Variants in AKAIN1 observed in about 807,000 individuals in gnomAD.
AKAIN1 encodes the protein A-kinase anchor inhibitor 1.
Under a neutral mutation model 3.7 loss-of-function variants are expected in AKAIN1, and 3 were observed. The observed-to-expected ratio is 0.82, with a 90% CI of 0.37 to 2.12. The LOEUF is 2.12. Ranked by LOEUF, AKAIN1 falls within the 30% of genes most tolerant of loss-of-function variation. AKAIN1 has a pLI of 0.06. For synonymous variants in AKAIN1, 31 were observed against 30.8 expected, an observed-to-expected ratio of 1.01 and a Z score of -0.02; for missense variants, 82 against 82.7, an observed-to-expected ratio of 0.99 and a Z score of 0.03.
At chr18:5,163,567 A>T (rs2071151327) in intron 1 of AKAIN1, 1 of 152,100 alleles carries the variant, frequency 6.6e-6, no homozygotes, top group South Asian at 2.1e-4. Flanking sequence ...CGTGAAGCCA[A>T]AAAATTACTG....
chr18:5,170,223 ACT>A (rs1242766305), intron 1 of AKAIN1, among the ~76,000 whole-genome samples: 1 of 152,158 alleles, frequency 6.6e-6, no homozygotes, highest in African/African-American at 2.4e-5. Context: ...AAGAGGAAAG[ACT>A]CAGCCTTTTA....
chr18:5,184,515 A>C, intron 1 of AKAIN1, among the ~76,000 whole-genome samples: 1 of 152,026 alleles, frequency 6.6e-6, no homozygotes, highest in East Asian at 1.9e-4. Flanking sequence ...AAATCCATGC[A>C]TGAAAACCAG....
At chr18:5,178,686 T>C (rs2143364257) in intron 1 of AKAIN1, among the ~76,000 whole-genome samples, 1 of 152,290 alleles carries the variant, frequency 6.6e-6, no homozygotes, top group East Asian at 1.9e-4. Context: ...TGCCTGCCCT[T>C]AAGAAGTTAG....
At chr18:5,190,514 G>A (rs755539166) in intron 1 of AKAIN1, among the ~76,000 whole-genome samples, 3 of 152,042 alleles carry the variant, frequency 2.0e-5, no homozygotes, top group Non-Finnish European at 4.4e-5. Context: ...TAGTTTTACT[G>A]GTGACGGAAA....
At chr18:5,178,063 C>T (rs2071236134) in intron 1 of AKAIN1, among the ~76,000 whole-genome samples, 2 of 152,074 alleles carry the variant, frequency 1.3e-5, no homozygotes, top group African/African-American at 2.4e-5. Context: ...GTCCTCAGTG[C>T]ACATCCAGGT....
chr18:5,196,053 C>T (rs1246877623), intron 1 of AKAIN1, among the ~76,000 whole-genome samples: 2 of 152,194 alleles, frequency 1.3e-5, no homozygotes, highest in African/African-American at 4.8e-5. Context: ...CGCCTTTTCT[C>T]CCCAGCCATC....
At chr18:5,168,696 A>G (rs939456141) in intron 1 of AKAIN1, among the ~76,000 whole-genome samples, 17 of 152,152 alleles carry the variant, frequency 1.1e-4, no homozygotes, top group Admixed American at 3.9e-4. Context: ...ACCAGGTAAT[A>G]TCATCCCTTC....
At chr18:5,169,140 G>C (rs1173057844) in intron 1 of AKAIN1, among the ~76,000 whole-genome samples, 1 of 152,090 alleles carries the variant, frequency 6.6e-6, no homozygotes, top group African/African-American at 2.4e-5. Flanking sequence ...AAATCAGACA[G>C]AGACTCTATG....
At chr18:5,192,405 CTT>C (rs1379855481) in intron 1 of AKAIN1, among the ~76,000 whole-genome samples, 1 of 112,926 alleles carries the variant, frequency 8.9e-6, no homozygotes, top group African/African-American at 3.2e-5. Context: ...TTCTTTCTTT[CTT>C]TCTTTCTTTC....
chr18:5,169,943 T>C (rs2071188307), intron 1 of AKAIN1, among the ~76,000 whole-genome samples: 1 of 152,182 alleles, frequency 6.6e-6, no homozygotes, highest in Non-Finnish European at 1.5e-5. Flanking sequence ...AGGCCTGTGA[T>C]GGCCTAAAGT....
In AKAIN1 at chr18:5,143,513, T is replaced by C. The variant is rs2071032375; in HGVS notation, c.*2049A>G. Among the ~76,000 whole-genome samples the C allele has an allele frequency of 6.6e-6, 1 of 152,194 alleles. No homozygotes were observed. The highest frequency in any genetic ancestry group is 2.4e-5 in the African/African-American group (1 of 41,450). On this transcript the variant is annotated 3_prime_UTR_variant, in exon 2 of 2. Coordinates refer to ENST00000434239, the MANE Select transcript of AKAIN1 (RefSeq NM_001145194.2). ...TCAAGCCTCAGGACCCACCATCCCA[T>C]GGCTGTCCTCACACAGTCACAGTGA...
chr18:5,170,205 C>T (rs560876105), intron 1 of AKAIN1, among the ~76,000 whole-genome samples: 16 of 152,260 alleles, frequency 1.1e-4, no homozygotes, highest in Middle Eastern at 3.4e-3. Flanking sequence ...TACAAATATA[C>T]TCCAAGTAAG....
intron 1 of AKAIN1, among the ~76,000 whole-genome samples, chr18:5,152,400 C>T (rs2071085102): frequency 6.6e-6 from 1 of 152,200 alleles, no homozygotes; most frequent in African/African-American, 2.4e-5. Flanking sequence ...CTTCACCCTG[C>T]ACTCTTTGAC....
chr18:5,156,811 C>T (rs2071111184), intron 1 of AKAIN1, among the ~76,000 whole-genome samples: 1 of 152,028 alleles, frequency 6.6e-6, no homozygotes, highest in Admixed American at 6.6e-5. Flanking sequence ...AGGCTGGAGG[C>T]ATTAGAAGGA....
chr18:5,148,038 A>G (rs2071059197), intron 1 of AKAIN1, among the ~76,000 whole-genome samples: 1 of 152,230 alleles, frequency 6.6e-6, no homozygotes, highest in African/African-American at 2.4e-5. Context: ...ATGGGCAAGT[A>G]TCATTAATTT....
At chr18:5,179,600 T>G (rs928479807) in intron 1 of AKAIN1, among the ~76,000 whole-genome samples, 4 of 152,106 alleles carry the variant, frequency 2.6e-5, no homozygotes, top group African/African-American at 9.7e-5. Context: ...TACCCAGTAG[T>G]GGGATTGCTA....
intron 1 of AKAIN1, among the ~76,000 whole-genome samples, chr18:5,190,425 T>A (rs192551865): frequency 3.2e-4 from 48 of 152,258 alleles, no homozygotes; most frequent in Middle Eastern, 6.8e-3. Flanking sequence ...TCACTCAAGA[T>A]AAACAAAATA....
At chr18:5,196,951 G>A (rs2071351339) in intron 1 of AKAIN1, 87 bp downstream of exon 1, 2 of 1,194,712 alleles carry the variant, frequency 1.7e-6, no homozygotes, top group Admixed American at 2.0e-5. Context: ...TGGGCCGTAA[G>A]GTAAAGAGGC....
In AKAIN1 at chr18:5,155,909, T is replaced by C. The variant is rs572035812; in HGVS notation, c.17-10154A>G. Among the ~76,000 whole-genome samples the C allele has an allele frequency of 1.1e-4, 16 of 152,054 alleles. No homozygotes were observed. In the South Asian group the frequency reaches 2.2e-3, roughly 20 times the overall value. On this transcript the variant is annotated intron_variant, in intron 1 of 1. Coordinates refer to ENST00000434239, the MANE Select transcript of AKAIN1 (RefSeq NM_001145194.2). ...GACCAGGACATCGGAGGTAAGAAGA[T>C]AGGGAAAATCCTTGACTCATGAGAC...
Sources: allele counts gnomAD v4.1 joint callset (sites outside exome capture counted in the v4.1 genomes callset), GRCh38; gene constraint gnomAD v4.1.1; transcripts MANE v1.5; gene names NCBI Gene and HGNC (gene_info 2026-07-23, HGNC 2026-07-21).